HOXB6: variants seen among roughly 807,000 people sequenced by gnomAD.
The protein encoded by HOXB6 is homeobox protein Hox-B6.
A neutral mutation model predicts 24.2 loss-of-function variants in HOXB6; 18 were observed. The observed-to-expected ratio is 0.74, with a 90% CI of 0.51 to 1.10. HOXB6 has a LOEUF of 1.10. Ranked by LOEUF, HOXB6 falls within the 50% of genes least tolerant of loss-of-function variation. The probability of loss-of-function intolerance (pLI) is 0.00; values close to 1 mark genes in which losing one functional copy is unlikely to be tolerated. For synonymous variants in HOXB6, 159 were observed against 139.1 expected, an observed-to-expected ratio of 1.14 and a Z score of -1.01; for missense variants, 332 against 308.3, an observed-to-expected ratio of 1.08 and a Z score of -0.58.
Position 48,598,083 on chromosome 17 carries a change from C to T in HOXB6, c.68G>A (p.Gly23Asp). 6.2e-7 allele frequency: 1 copy of T among 1,604,592 alleles called. No homozygotes were observed. The highest frequency in any genetic ancestry group is 8.5e-7 in the Non-Finnish European group (1 of 1,174,964). Reference protein sequence around the residue: ...TLASGQESFLGQLPLYSSGYA... With the variant: ...TLASGQESFLDQLPLYSSGYA... ...GCCCGACGAATAGAGCGGTAGCTGG[C>T]CCAGGAAGGACTCCTGCCCGCTGGC... The change falls in exon 3 of 4, where the codon GGC becomes GAC. Residue 23 changes from glycine (G) to aspartate (D), a missense_variant. Coordinates refer to ENST00000225648, the MANE Select transcript of HOXB6 (RefSeq NM_018952.5).
At chr17:48,598,726 G>T (rs1037742697) in intron 2 of HOXB6, among the ~76,000 whole-genome samples, 1 of 152,222 alleles carries the variant, frequency 6.6e-6, no homozygotes, top group African/African-American at 2.4e-5. Flanking sequence ...TTTGTTTCTA[G>T]GGTTTTGTGT....
intron 3 of HOXB6, chr17:48,597,113 T>C (rs2070321261): frequency 4.6e-6 from 5 of 1,078,640 alleles, no homozygotes; most frequent in Non-Finnish European, 4.5e-6. Context: ...TGGACATCAG[T>C]TGGGACTTAA....
rs1490150581 is a variant in HOXB6, at chr17:48,596,771, T to G, written c.416-99A>C. On this transcript the variant is annotated intron_variant, in intron 3 of 3. Coordinates refer to ENST00000225648, the MANE Select transcript of HOXB6 (RefSeq NM_018952.5). The surrounding 1 kb of genome is among the most constrained non-coding windows in gnomAD (Gnocchi z 4.8). ...ACACAGACTCCAGCCAGTACCGGGA[T>G]GCCCTCTATTCTGCCGGCTCCCTTC... 1.3e-6 allele frequency: 2 copies of G among 1,546,080 alleles called. No homozygotes were observed. Among genetic ancestry groups the G allele is most frequent in the African/African-American group, 2.7e-5 (2 of 73,670 alleles).
chr17:48,599,686 A>C (rs2070409726), intron 2 of HOXB6, among the ~76,000 whole-genome samples: 1 of 152,242 alleles, frequency 6.6e-6, no homozygotes, highest in Admixed American at 6.5e-5. Context: ...CATTGAGCCC[A>C]GGCTGGGAGA....
rs33990581 is a variant in HOXB6, at chr17:48,598,064, C to T, written c.87G>A (p.Ser29=). 9.5e-3 allele frequency: 15,189 copies of T among 1,604,164 alleles called. 100 individuals are homozygous for T. Among genetic ancestry groups the T allele is most frequent in the Non-Finnish European group, 0.011 (13,367 of 1,175,388 alleles). Residue 29 remains serine, a synonymous_variant, in exon 3 of 4, where the codon TCG becomes TCA. Transcript: ENST00000225648. The part of the protein sequence containing the change: ...ESFLGQLPLY[S]SGYADPLRHY... ...GTCTCAGCGGGTCCGCATAGCCCGA[C>T]GAATAGAGCGGTAGCTGGCCCAGGA...
Position 48,596,731 on chromosome 17 carries a change from CT to C in HOXB6, c.416-60del. ...GTCACCGGGCCCAGGACCCCCTCCCCTAGTCGACCCTCGAACACAGACTCCA... is the reference window on the plus strand; with the variant it reads ...GTCACCGGGCCCAGGACCCCCTCCCCAGTCGACCCTCGAACACAGACTCCA... On this transcript the variant is annotated intron_variant, in intron 3 of 3. Coordinates refer to ENST00000225648, the MANE Select transcript of HOXB6 (RefSeq NM_018952.5). This position sits in a 1 kb window ranked among gnomAD's most constrained non-coding sequence, Gnocchi z 4.8. 1 of 1,599,886 alleles carries C rather than the reference CT, an allele frequency of 6.3e-7. No individual in the cohort carries two copies. Among genetic ancestry groups the C allele is most frequent in the East Asian group, 2.2e-5 (1 of 44,844 alleles).
Position 48,596,867 on chromosome 17 carries a change from A to G in HOXB6, c.416-195T>C. ...TCTCCTAGGCCTGTGCCGTCTGTCT[A>G]GACTCTAGATGGGGGAGGGGAGGAG... is the stretch of plus-strand genomic sequence containing the variant. On this transcript the variant is annotated intron_variant, in intron 3 of 3. Transcript: ENST00000225648. The surrounding 1 kb of genome is among the most constrained non-coding windows in gnomAD (Gnocchi z 4.8). The G allele has an allele frequency of 8.0e-7, 1 of 1,247,988 alleles. No individual in the cohort carries two copies. The highest frequency in any genetic ancestry group is 1.5e-5 in the South Asian group (1 of 65,924). The allele number at this position is 1,247,988 out of a possible 1,614,324, so 77.3% of individuals were successfully genotyped here. A position where few individuals can be genotyped will look rare whatever the true frequency, so the allele number is the denominator to read the frequency against.
intron 3 of HOXB6, chr17:48,597,004 AT>A: frequency 1.7e-6 from 1 of 579,566 alleles, no homozygotes; most frequent in Non-Finnish European, 2.5e-6. Context: ...ACCCCCCGTC[AT>A]CCCCCCAACC....
At chr17:48,598,276 G>A in intron 2 of HOXB6, 48 bp from the exon 3 acceptor site, 3 of 976,276 alleles carry the variant, frequency 3.1e-6, no homozygotes, top group Admixed American at 2.9e-5. Context: ...GGGGGATGGC[G>A]AGGTGCCAGT....
chr17:48,597,789 T>G lies in HOXB6; in HGVS notation c.362A>C (p.Gln121Pro), dbSNP rs749208929. The G allele has an allele frequency of 7.4e-6, 12 of 1,612,010 alleles. No individual in the cohort carries two copies. The highest frequency in any genetic ancestry group is 1.0e-5 in the Non-Finnish European group (12 of 1,179,156). Residue 121 changes from glutamine to proline, a missense_variant, in exon 3 of 4, where the codon CAG becomes CCG. By Grantham distance (76) the Gln-to-Pro change is moderately conservative. Transcript: ENST00000225648. Reference sequence around the variant, plus strand: ...CGGGTAGACCGGAGTGGAGCACTTCTGCTCTTCTGTCTCGCCGAACACGCT... The same window carrying G: ...CGGGTAGACCGGAGTGGAGCACTTCGGCTCTTCTGTCTCGCCGAACACGCT... The part of the protein sequence containing the change: ...DKSVFGETEE[Q>P]KCSTPVYPWM...
At chr17:48,602,910 C>T (rs2070504133) in intron 2 of HOXB6, among the ~76,000 whole-genome samples, 1 of 152,206 alleles carries the variant, frequency 6.6e-6, no homozygotes. Context: ...TGGGTGCTGG[C>T]GGAGAACTCT....
intron 2 of HOXB6, chr17:48,603,948 C>T (rs1194867803): frequency 6.5e-6 from 1 of 152,740 alleles, no homozygotes; most frequent in Non-Finnish European, 1.5e-5. Context: ...CCCTCGCCGG[C>T]CTCGGCGGAG....
chr17:48,598,409 CT>C lies in HOXB6; in HGVS notation c.-78-182del, dbSNP rs56216208. 284,540 of 297,176 alleles carry C rather than the reference CT, an allele frequency of 0.96. 135,953 individuals carry two copies. The highest frequency in any genetic ancestry group is 0.99 in the African/African-American group (44,590 of 44,976). The allele number at this position is 297,176 out of a possible 1,614,324, so 18.4% of individuals were successfully genotyped here. A position where few individuals can be genotyped will look rare whatever the true frequency, so the allele number is the denominator to read the frequency against. On this transcript the variant is annotated intron_variant, in intron 2 of 3. Coordinates refer to ENST00000225648, the MANE Select transcript of HOXB6 (RefSeq NM_018952.5). ...GGGACCCGCGCACAAACCTATCAAC[CT>C]TTTTTTTTTTCCTCCTTCTCCTTCG... is the stretch of plus-strand genomic sequence containing the variant.
chr17:48,603,012 A>G (rs949853338), intron 2 of HOXB6, among the ~76,000 whole-genome samples: 3 of 152,206 alleles, frequency 2.0e-5, no homozygotes, highest in African/African-American at 7.2e-5. Flanking sequence ...CTTCCGCGCC[A>G]CAAGTGGCAG....
chr17:48,598,530 C>G (rs913017272), intron 2 of HOXB6, among the ~76,000 whole-genome samples: 6 of 151,976 alleles, frequency 3.9e-5, no homozygotes, highest in Non-Finnish European at 7.4e-5. Flanking sequence ...GAGGAGGGAA[C>G]GTTTAGATTG....
At position 48,596,331 on chromosome 17, in the gene HOXB6, A is replaced by G. The variant is rs999704140; in HGVS notation, c.*82T>C. On this transcript the variant is annotated 3_prime_UTR_variant, in exon 4 of 4. Coordinates refer to ENST00000225648, the MANE Select transcript of HOXB6 (RefSeq NM_018952.5). This position sits in a 1 kb window ranked among gnomAD's most constrained non-coding sequence, Gnocchi z 4.8. ...AGGTCTCCTGGCTCCCCCACCCGAG[A>G]GCCTTCCTTCCCGGGTCTCTCTGAC... 1.9e-6 allele frequency: 3 copies of G among 1,598,822 alleles called. No individual in the cohort carries two copies. Among genetic ancestry groups the G allele is most frequent in the Admixed American group, 1.7e-5 (1 of 59,998 alleles).
At chr17:48,604,688 G>A (rs2070542515) in intron 1 of HOXB6, 73 bp from the exon 2 acceptor site, 1 of 152,264 alleles carries the variant, frequency 6.6e-6, no homozygotes, top group Admixed American at 6.5e-5. Flanking sequence ...TTGAAAAATA[G>A]TATCGGGCTG....
intron 3 of HOXB6, among the ~76,000 whole-genome samples, chr17:48,597,470 C>T (rs1041064908): frequency 2.6e-5 from 4 of 152,208 alleles, no homozygotes; most frequent in Non-Finnish European, 4.4e-5. Flanking sequence ...TGTCCTGGAA[C>T]CCCGGCTCTG....
At chr17:48,601,112 G>A in intron 2 of HOXB6, among the ~76,000 whole-genome samples, 1 of 151,918 alleles carries the variant, frequency 6.6e-6, no homozygotes, top group East Asian at 1.9e-4. Flanking sequence ...AGCTCTTTGA[G>A]GTGATGAGCA....
Sources: allele counts gnomAD v4.1 joint callset (sites outside exome capture counted in the v4.1 genomes callset), GRCh38; gene constraint gnomAD v4.1.1; non-coding constraint Gnocchi (gnomAD v3.1); transcripts MANE v1.5; gene names NCBI Gene and HGNC (gene_info 2026-07-23, HGNC 2026-07-21).